The following LTBP4 variants were observed in gnomAD, a reference collection of about 807,000 sequenced individuals.
LTBP4 encodes latent transforming growth factor beta binding protein 4.
In LTBP4, 93 loss-of-function variants were observed where a neutral mutation model predicts 180.2. That is an observed-to-expected ratio of 0.52 (90% CI 0.44 to 0.61). The LOEUF (loss-of-function observed/expected upper bound fraction) is 0.61. Among genes scored for constraint, LTBP4 ranks in the 20% least tolerant of loss-of-function variants. The probability of loss-of-function intolerance (pLI) is 0.00; values close to 1 mark genes in which losing one functional copy is unlikely to be tolerated. For synonymous variants in LTBP4, 947 were observed against 934.5 expected (o/e 1.01, Z -0.24); for missense variants, 2,116 against 2,256.5 (o/e 0.94, Z 1.26).
At chr19:40,608,049 C>T (rs1568404358) in intron 7 of LTBP4, among the ~76,000 whole-genome samples, 171 bp from the exon 8 acceptor site, 1 of 152,206 alleles carries the variant, frequency 6.6e-6, no homozygotes, top group Non-Finnish European at 1.5e-5. Context: ...CCACCTGTAG[C>T]CTCTAAGACA....
chr19:40,610,086 T>G, intron 11 of LTBP4: 1 of 616,656 alleles, frequency 1.6e-6, no homozygotes, highest in Non-Finnish European at 2.6e-6. Context: ...ACTGCCAGTT[T>G]CTATCGGGGC....
rs1188990855 is a variant in LTBP4 at position 40,629,664 on chromosome 19, G to A, written c.*114G>A. 23 of 1,100,868 alleles carry A rather than the reference G, an allele frequency of 2.1e-5. No homozygotes were observed. The highest frequency in any genetic ancestry group is 2.7e-5 in the Non-Finnish European group (23 of 854,380). The allele number at this position is 1,100,868 out of a possible 1,614,324, so 68.2% of individuals were successfully genotyped here. A position where few individuals can be genotyped will look rare whatever the true frequency, so the allele number is the denominator to read the frequency against. ...GGCCGCCCGCCTGGACCTGGAGAAG[G>A]GACCTACGGACGCCTGGAAGCTGCG... is the stretch of plus-strand genomic sequence containing the variant. On this transcript the variant is annotated 3_prime_UTR_variant, in exon 30 of 30. Coordinates refer to ENST00000396819, the MANE Select transcript of LTBP4 (RefSeq NM_001042545.2). The surrounding 1 kb of genome is among the most constrained non-coding windows in gnomAD (Gnocchi z 4.5).
chr19:40,626,311 C>T (rs1014907954), intron 27 of LTBP4, among the ~76,000 whole-genome samples: 3 of 152,124 alleles, frequency 2.0e-5, no homozygotes, highest in Admixed American at 2.0e-4. Flanking sequence ...CAGACACAGC[C>T]TATGAGATGT....
At chr19:40,627,964 C>T in intron 29 of LTBP4, 107 bp downstream of exon 29, 1 of 1,408,350 alleles carries the variant, frequency 7.1e-7, no homozygotes, top group Non-Finnish European at 9.5e-7. Flanking sequence ...AAGGACCTCA[C>T]TACAGGGGAC....
chr19:40,601,578 C>G lies in LTBP4; in HGVS notation c.191C>G (p.Thr64Ser). The G allele has an allele frequency of 3.4e-6, 5 of 1,452,656 alleles. No individual in the cohort carries two copies. Among genetic ancestry groups the G allele is most frequent in the African/African-American group, 3.0e-5 (2 of 67,512 alleles). 90.0% of individuals were successfully genotyped at this position (1,452,656 alleles called of 1,614,324 possible). A position where few individuals can be genotyped will look rare whatever the true frequency, so the allele number is the denominator to read the frequency against. Residue 64 changes from threonine (T) to serine (S), a missense_variant, in exon 1 of 30, where the codon ACC (threonine) becomes AGC (serine). This residue lies in a region of LTBP4 where 469 missense variants were observed against 532.5 expected (regional missense o/e 0.88). Transcript: ENST00000396819. ...CCGACCTGCGCGCCCCGCAACGCCA[C>G]CAGCGTGGACAGCGGCGCTCCCGGC... ...CTPTCAPRNATSVDSGAPGGA... is the reference protein window; with the variant it reads ...CTPTCAPRNASSVDSGAPGGA...
Position 40,623,662 on chromosome 19 carries a change from C to T in LTBP4, c.3615C>T (p.Asn1205=). 1.2e-6 allele frequency: 2 copies of T among 1,613,790 alleles called. No homozygotes were observed. Among genetic ancestry groups the T allele is most frequent in the South Asian group, 1.1e-5 (1 of 91,068 alleles). ...TGTGCAAGAGTGGCGTGTGTGTGAA[C>T]ACGGCCCCGGGCTACTCATGCTATT... ...DQVCKSGVCV[N]TAPGYSCYCS... Residue 1205 remains asparagine (N), a synonymous_variant, in exon 25 of 30, where the codon AAC becomes AAT. Coordinates refer to ENST00000396819, the MANE Select transcript of LTBP4 (RefSeq NM_001042545.2).
intron 22 of LTBP4, 62 bp downstream of exon 22, chr19:40,619,555 A>C: frequency 6.6e-7 from 1 of 1,525,272 alleles, no homozygotes; most frequent in Non-Finnish European, 8.9e-7. Flanking sequence ...CACGTGGTCT[A>C]ATCATTCCTG....
chr19:40,606,325 TG>T lies in LTBP4; in HGVS notation c.868+21del, dbSNP rs2146022210. On this transcript the variant is annotated intron_variant, in intron 5 of 29. Transcript: ENST00000396819. ...CTGCGAAGGTGCAACGGGGCAGGGG[TG>T]GGAGGGGCTTGGTTCTGGGGGCGGG... The T allele has an allele frequency of 1.4e-6, 2 of 1,470,080 alleles. No homozygotes were observed. Among genetic ancestry groups the T allele is most frequent in the East Asian group, 4.6e-5 (2 of 43,656 alleles). The allele number at this position is 1,470,080 out of a possible 1,614,324, so 91.1% of individuals were successfully genotyped here.
rs918016293 is a variant in LTBP4, at chr19:40,622,503, G to C, written c.3320G>C (p.Gly1107Ala). The C allele has an allele frequency of 6.2e-7, 1 of 1,613,440 alleles. No homozygotes were observed. The highest frequency in any genetic ancestry group is 1.1e-5 in the South Asian group (1 of 91,066). Residue 1107 changes from glycine to alanine, a missense_variant, in exon 23 of 30, where the codon GGC becomes GCC. By Grantham distance (60) the Gly-to-Ala change is moderately conservative (BLOSUM62 0). Around this residue, in one of 5 missense-constraint regions of LTBP4, gnomAD observed 278 missense variants for 373.0 expected, o/e 0.75. Transcript: ENST00000396819. The surrounding 1 kb of genome is among the most constrained non-coding windows in gnomAD (Gnocchi z 5.1). ...CGCCGACCCAGCACACCTAGGCAGG[G>C]CCCTGTGGGGAGTGGGCGCCGGGAG... ...LPRRPSTPRQ[G>A]PVGSGRRECY...
At chr19:40,615,108 G>A (rs2081537759) in intron 19 of LTBP4, among the ~76,000 whole-genome samples, 1 of 142,440 alleles carries the variant, frequency 7.0e-6, no homozygotes, top group Admixed American at 7.3e-5. Flanking sequence ...CTCCCGCCCC[G>A]CTCTTTCACC....
upstream of LTBP4, chr19:40,597,416 A>G (rs79235206): frequency 6.1e-4 from 896 of 1,478,074 alleles, 10 homozygotes; most frequent in African/African-American, 0.012. Flanking sequence ...CTTCCACCCA[A>G]TAAGTCTGGT....
At chr19:40,623,754 A>G (rs1568413390) in intron 25 of LTBP4, 22 bp downstream of exon 25, 1 of 1,611,104 alleles carries the variant, frequency 6.2e-7, no homozygotes, top group East Asian at 2.2e-5. Context: ...ACCTCCCCCA[A>G]CCCCCGGCAA....
At position 40,610,444 on chromosome 19, in the gene LTBP4, G is replaced by A. The variant is rs550742953; in HGVS notation, c.1685-88G>A. On this transcript the variant is annotated intron_variant, in intron 11 of 29. Coordinates refer to ENST00000396819, the MANE Select transcript of LTBP4 (RefSeq NM_001042545.2). ...CTGGCTCTGGCCCAAGCTTGGTCCC[G>A]CTCCCGCTTCCCTCTACCCCTGCCT... 15 of 1,467,956 alleles carry A rather than the reference G, an allele frequency of 1.0e-5. 1 individual carries two copies. In the East Asian group the frequency reaches 3.5e-4, roughly 34 times the overall value. 90.9% of individuals were successfully genotyped at this position (1,467,956 alleles called of 1,614,324 possible). A position where few individuals can be genotyped will look rare whatever the true frequency, so the allele number is the denominator to read the frequency against.
chr19:40,612,314 G>A, intron 15 of LTBP4, 122 bp downstream of exon 15: 1 of 1,324,716 alleles, frequency 7.5e-7, no homozygotes, highest in South Asian at 1.5e-5. Context: ...AGTCCCCAGA[G>A]CCTGTGACTC....
upstream of LTBP4, among the ~76,000 whole-genome samples, chr19:40,600,741 C>G (rs182219958): frequency 7.2e-5 from 11 of 152,246 alleles, no homozygotes; most frequent in Admixed American, 5.2e-4. This position sits in a 1 kb window ranked among gnomAD's most constrained non-coding sequence, Gnocchi z 4.4. Context: ...GATGTTAGTA[C>G]CCCCGCCCAC....
Position 40,613,700 on chromosome 19 carries a change from G to T in LTBP4, c.2557+171G>T, listed in dbSNP as rs537293856. On this transcript the variant is annotated intron_variant, in intron 17 of 29. Coordinates refer to ENST00000396819, the MANE Select transcript of LTBP4 (RefSeq NM_001042545.2). The surrounding 1 kb of genome is among the most constrained non-coding windows in gnomAD (Gnocchi z 5.0). Reference sequence around the variant, plus strand: ...AGGCAGTGAGGGGGGGCGGGGCGTGGAGATGAAAGGGCCGAGTCTGGGTAT... The same window carrying T: ...AGGCAGTGAGGGGGGGCGGGGCGTGTAGATGAAAGGGCCGAGTCTGGGTAT... 30 of 1,239,690 alleles carry T rather than the reference G, an allele frequency of 2.4e-5. No individual in the cohort carries two copies. Among genetic ancestry groups the T allele is most frequent in the Non-Finnish European group, 3.4e-5 (30 of 882,932 alleles). 76.8% of individuals were successfully genotyped at this position (1,239,690 alleles called of 1,614,324 possible).
In LTBP4 at chr19:40,622,363, T is replaced by C; in HGVS notation, c.3218-38T>C. On this transcript the variant is annotated intron_variant, in intron 22 of 29. Transcript: ENST00000396819. The surrounding 1 kb of genome is among the most constrained non-coding windows in gnomAD (Gnocchi z 5.1). The stretch of plus-strand genomic sequence containing the variant: ...TCTATGATAGTGGCGGGGCTGGGGA[T>C]TCAGCCCACACTGGGCTAAAGCTCC... 1 of 1,458,896 alleles carries C rather than the reference T, an allele frequency of 6.9e-7. No individual in the cohort carries two copies. 90.4% of individuals were successfully genotyped at this position (1,458,896 alleles called of 1,614,324 possible). A position where few individuals can be genotyped will look rare whatever the true frequency, so the allele number is the denominator to read the frequency against.
intron 25 of LTBP4, 88 bp downstream of exon 25, chr19:40,623,820 G>A (rs1014630227): frequency 1.9e-6 from 3 of 1,597,774 alleles, no homozygotes; most frequent in East Asian, 2.2e-5. Context: ...CACCACCAGC[G>A]GGAAGTCTTT....
chr19:40,623,049 C>G (rs369191819), intron 24 of LTBP4, 28 bp downstream of exon 24: 1 of 1,566,980 alleles, frequency 6.4e-7, no homozygotes, highest in Non-Finnish European at 8.7e-7. Flanking sequence ...CCCTCCACCC[C>G]ACTCAGCTCT....
Sources: allele counts gnomAD v4.1 joint callset (sites outside exome capture counted in the v4.1 genomes callset), GRCh38; gene constraint gnomAD v4.1.1; regional missense constraint gnomAD v4.1.1; non-coding constraint Gnocchi (gnomAD v3.1); transcripts MANE v1.5; gene names NCBI Gene and HGNC (gene_info 2026-07-23, HGNC 2026-07-21).